LRCH2: variants seen among roughly 807,000 people sequenced by gnomAD.
The protein encoded by LRCH2 is leucine-rich repeat and calponin homology domain-containing protein 2.
A neutral mutation model predicts 68.9 loss-of-function variants in LRCH2; 38 were observed. The ratio of observed to expected loss-of-function variants is 0.55; its 90% CI spans 0.43 to 0.72. LRCH2 has a LOEUF of 0.72. Ranked by LOEUF, LRCH2 falls within the 30% of genes least tolerant of loss-of-function variation. The pLI is 0.00. For missense variants in LRCH2, 528 were observed against 572.9 expected, an observed-to-expected ratio of 0.92 and a Z score of 0.80; for synonymous variants, 191 against 208.1, an observed-to-expected ratio of 0.92 and a Z score of 0.71.
intron 1 of LRCH2, among the ~76,000 whole-genome samples, chrX:115,217,055 A>T (rs2073046101): frequency 9.0e-6 from 1 of 111,597 alleles, no homozygotes; most frequent in Admixed American, 9.6e-5. Context: ...ACTTCTATGT[A>T]CCTGCAGAAC....
At chrX:115,127,482 CTA>C (rs2072209512) in intron 15 of LRCH2, among the ~76,000 whole-genome samples, 1 of 111,791 alleles carries the variant, frequency 8.9e-6, no homozygotes, top group African/African-American at 3.2e-5. Flanking sequence ...ATGTCAGACA[CTA>C]TGCTAGACAG....
intron 1 of LRCH2, among the ~76,000 whole-genome samples, chrX:115,229,115 A>G: frequency 8.9e-6 from 1 of 111,824 alleles, no homozygotes; most frequent in Non-Finnish European, 1.9e-5. Flanking sequence ...GCAAATACAC[A>G]CAAAACAAAA....
chrX:115,192,029 A>C, intron 1 of LRCH2: 2 of 1,167,543 alleles, frequency 1.7e-6, no homozygotes, highest in Admixed American at 5.2e-5. Context: ...CACTACGAAG[A>C]GTACCGAGGC....
chrX:115,142,209 T>C (rs1334481585), intron 14 of LRCH2, among the ~76,000 whole-genome samples: 1 of 111,889 alleles, frequency 8.9e-6, no homozygotes, highest in East Asian at 2.8e-4. Flanking sequence ...CTCAATACAG[T>C]AATAGCTGGA....
chrX:115,185,476 G>A (rs2072724577), intron 2 of LRCH2, among the ~76,000 whole-genome samples: 1 of 111,802 alleles, frequency 8.9e-6, no homozygotes, highest in Non-Finnish European at 1.9e-5. Flanking sequence ...CTAACAAAAT[G>A]TATATTTTTC....
rs1238704414 is a variant in LRCH2 at position 115,146,902 on chromosome X, T to TACAC, written c.1695+2924_1695+2925insGTGT. On this transcript the variant is annotated intron_variant, in intron 14 of 20. Coordinates refer to ENST00000317135, the MANE Select transcript of LRCH2 (RefSeq NM_020871.4). ...AAGAAATACAGTTGGATTTCTTACA[T>TACAC]ACATACACACACACACACACACACA... Among the ~76,000 whole-genome samples, 260 of 53,851 alleles carry TACAC rather than the reference T, an allele frequency of 4.8e-3. 3 individuals are homozygous for TACAC. Among genetic ancestry groups the TACAC allele is most frequent in the African/African-American group, 0.02 (249 of 12,595 alleles). The allele number at this position is 53,851 out of a possible 115,157, so 46.8% of individuals were successfully genotyped here.
At chrX:115,117,857 G>T (rs1010138264) in intron 20 of LRCH2, among the ~76,000 whole-genome samples, 9 of 110,577 alleles carry the variant, frequency 8.1e-5, no homozygotes, top group Non-Finnish European at 1.1e-4. Context: ...TGACTGTGGT[G>T]ATGATTTCAT....
rs148836712 is a variant in LRCH2 at position 115,189,344 on chromosome X, C to G, written c.350-974G>C. 6 of 939,125 alleles carry G rather than the reference C, an allele frequency of 6.4e-6. No individual in the cohort carries two copies. In the South Asian group the frequency reaches 1.0e-4, roughly 16 times the overall value. 77.4% of individuals were successfully genotyped at this position (939,125 alleles called of 1,213,427 possible). A position where few individuals can be genotyped will look rare whatever the true frequency, so the allele number is the denominator to read the frequency against. On this transcript the variant is annotated intron_variant, in intron 1 of 20. Transcript: ENST00000317135. ...TTCTTGAGACATCCACCCCCCCAAC[C>G]GGTAGGAGCCGCCCTCCACGAGAGC...
intron 1 of LRCH2, chrX:115,198,701 G>T: frequency 7.0e-6 from 1 of 142,889 alleles, no homozygotes; most frequent in South Asian, 2.1e-4. Context: ...GGGAGGAGCT[G>T]AGCAATGTCC....
intron 1 of LRCH2, chrX:115,190,888 A>G: frequency 2.6e-6 from 3 of 1,164,766 alleles, no homozygotes; most frequent in Non-Finnish European, 3.4e-6. Flanking sequence ...GGATGCCAAC[A>G]GTGGAGGCTG....
At chrX:115,131,893 A>G (rs1556530359) in intron 14 of LRCH2, among the ~76,000 whole-genome samples, 2 of 111,814 alleles carry the variant, frequency 1.8e-5, no homozygotes. Flanking sequence ...TGTTTTGAGA[A>G]GTGTCTGTTC....
intron 11 of LRCH2, among the ~76,000 whole-genome samples, chrX:115,159,800 A>AC (rs1556540922): frequency 9.1e-6 from 1 of 110,311 alleles, no homozygotes; most frequent in Non-Finnish European, 1.9e-5. Flanking sequence ...AAGTAGCTTA[A>AC]CCTACACATC....
At chrX:115,138,907 G>C (rs994825249) in intron 14 of LRCH2, 2 of 111,786 alleles carry the variant, frequency 1.8e-5, no homozygotes, top group Admixed American at 1.9e-4. Flanking sequence ...CTGAATTACT[G>C]AAGTTTTATT....
chrX:115,135,122 C>CTTTTT (rs35620352), intron 14 of LRCH2, among the ~76,000 whole-genome samples: 1 of 88,241 alleles, frequency 1.1e-5, no homozygotes, highest in Non-Finnish European at 2.2e-5. Context: ...TCTTTTCTTT[C>CTTTTT]TTTTTTTTTT....
At chrX:115,150,871 G>A (rs1569513484) in intron 12 of LRCH2, among the ~76,000 whole-genome samples, 1 of 110,234 alleles carries the variant, frequency 9.1e-6, no homozygotes, top group Non-Finnish European at 1.9e-5. Flanking sequence ...ACTATAATGA[G>A]TTAAAAGATA....
intron 1 of LRCH2, among the ~76,000 whole-genome samples, chrX:115,208,318 A>G (rs1556568932): frequency 8.9e-6 from 1 of 111,972 alleles, no homozygotes; most frequent in Non-Finnish European, 1.9e-5. Flanking sequence ...AAGCACCTTT[A>G]TAACCACTAA....
intron 1 of LRCH2, among the ~76,000 whole-genome samples, chrX:115,201,767 TA>T (rs1468360383): frequency 1.8e-5 from 2 of 111,709 alleles, no homozygotes; most frequent in African/African-American, 6.5e-5. Flanking sequence ...TAGAAAAACC[TA>T]AAGACTCCAC....
At chrX:115,131,634 C>A (rs2072246505) in intron 14 of LRCH2, among the ~76,000 whole-genome samples, 1 of 111,674 alleles carries the variant, frequency 9.0e-6, no homozygotes, top group Admixed American at 9.5e-5. Flanking sequence ...AATGGGATGG[C>A]TGGGTCAAAT....
chrX:115,117,669 T>C (rs1456600501), intron 20 of LRCH2, among the ~76,000 whole-genome samples: 4 of 111,507 alleles, frequency 3.6e-5, no homozygotes, highest in Non-Finnish European at 7.6e-5. Context: ...AAAATAATTA[T>C]GCTGAGTGAA....
Sources: allele counts gnomAD v4.1 joint callset (sites outside exome capture counted in the v4.1 genomes callset), GRCh38; gene constraint gnomAD v4.1.1; transcripts MANE v1.5; gene names NCBI Gene and HGNC (gene_info 2026-07-23, HGNC 2026-07-21).